Variants in PTPRT observed in about 807,000 individuals in gnomAD.
PTPRT encodes the protein receptor-type tyrosine-protein phosphatase T.
PTPRT carries 56 observed loss-of-function variants against 176.8 expected under a neutral mutation model. The ratio of observed to expected loss-of-function variants is 0.32; its 90% CI spans 0.26 to 0.40. The LOEUF (loss-of-function observed/expected upper bound fraction) is 0.40, where lower values mean the gene tolerates loss of function less well. PTPRT is among the 10% of genes least tolerant of loss of function. PTPRT has a pLI of 1.00. For synonymous variants in PTPRT, 783 were observed against 739.0 expected (o/e 1.06, Z -0.96); for missense variants, 1,540 against 1,908.2 (o/e 0.81, Z 3.60).
intron 2 of PTPRT, among the ~76,000 whole-genome samples, chr20:42,866,268 CAT>C (rs1479415078): frequency 6.6e-6 from 1 of 152,158 alleles, no homozygotes; most frequent in African/African-American, 2.4e-5. Context: ...GCATCCTGGC[CAT>C]TTTTAGCACA....
rs146950185 is a variant in PTPRT at position 42,488,796 on chromosome 20, C to G, written c.1154-16234G>C. The stretch of plus-strand genomic sequence containing the variant: ...CCTGACCAACTGAGAAAAGCCCCAT[C>G]TCTACTAAAAATACAAAATTAGCCG... On this transcript the variant is annotated intron_variant, in intron 7 of 30. Transcript: ENST00000373187. Among the ~76,000 whole-genome samples, 32 of 152,156 alleles carry G rather than the reference C, an allele frequency of 2.1e-4. No individual in the cohort carries two copies. The East Asian group carries it at 6.0e-3, about 28-fold the overall frequency.
chr20:42,357,584 GA>G (rs1337421670), intron 9 of PTPRT, among the ~76,000 whole-genome samples: 3 of 152,152 alleles, frequency 2.0e-5, no homozygotes, highest in Admixed American at 2.0e-4. Flanking sequence ...CATTGTTTTG[GA>G]AGGAAGGCTC....
In PTPRT at chr20:42,885,949, T is replaced by G; in HGVS notation, c.89-17A>C. 2 of 1,593,420 alleles carry G rather than the reference T, an allele frequency of 1.3e-6. No homozygotes were observed. The highest frequency in any genetic ancestry group is 8.6e-7 in the Non-Finnish European group (1 of 1,166,812). On this transcript the variant is annotated splice_polypyrimidine_tract_variant and intron_variant, in intron 1 of 30. Coordinates refer to ENST00000373187, the MANE Select transcript of PTPRT (RefSeq NM_007050.6). ...AACAGCCACCTGTAGACAAAAGAGATATGGGTAAATACATTCCCGTGTCTG... is the reference window on the plus strand; with the variant it reads ...AACAGCCACCTGTAGACAAAAGAGAGATGGGTAAATACATTCCCGTGTCTG...
chr20:42,531,496 G>A (rs1030493360), intron 7 of PTPRT, among the ~76,000 whole-genome samples: 25 of 152,286 alleles, frequency 1.6e-4, no homozygotes, highest in Admixed American at 2.6e-4. Context: ...TAATCAAATC[G>A]TCAACAGCCA....
chr20:43,138,912 T>C (rs529132798), intron 1 of PTPRT, among the ~76,000 whole-genome samples: 52 of 152,236 alleles, frequency 3.4e-4, no homozygotes, highest in Non-Finnish European at 6.6e-4. Flanking sequence ...TTCCTTCCTG[T>C]GTGACCATGG....
At chr20:42,471,228 T>C (rs1314992556) in intron 8 of PTPRT, among the ~76,000 whole-genome samples, 5 of 152,348 alleles carry the variant, frequency 3.3e-5, no homozygotes, top group East Asian at 1.9e-4. Flanking sequence ...ATGTGATACA[T>C]GTTTTATCTT....
At chr20:43,006,480 T>C (rs960636284) in intron 1 of PTPRT, among the ~76,000 whole-genome samples, 8 of 152,154 alleles carry the variant, frequency 5.3e-5, no homozygotes, top group Non-Finnish European at 1.0e-4. Flanking sequence ...CCTGCCTCTG[T>C]AGTGTCTGCT....
At chr20:42,086,439 A>C (rs1365311628) in intron 27 of PTPRT, among the ~76,000 whole-genome samples, 1 of 152,028 alleles carries the variant, frequency 6.6e-6, no homozygotes, top group Non-Finnish European at 1.5e-5. Context: ...GGTTTGCTTA[A>C]CCTGAGTTTC....
chr20:43,007,564 T>C (rs1463796602), intron 1 of PTPRT, among the ~76,000 whole-genome samples: 1 of 152,216 alleles, frequency 6.6e-6, no homozygotes, highest in East Asian at 1.9e-4. Flanking sequence ...TCCAACGGAA[T>C]TATCCAATTT....
intron 2 of PTPRT, among the ~76,000 whole-genome samples, chr20:42,875,937 A>G (rs2078922082): frequency 6.6e-6 from 1 of 152,214 alleles, no homozygotes; most frequent in South Asian, 2.1e-4. Flanking sequence ...ATAAGTTACT[A>G]TATTTCAAGT....
At chr20:42,348,778 G>A (rs1277863106) in intron 11 of PTPRT, among the ~76,000 whole-genome samples, 1 of 152,116 alleles carries the variant, frequency 6.6e-6, no homozygotes, top group Non-Finnish European at 1.5e-5. Flanking sequence ...CAGCATGTAG[G>A]CCTGCTTGAT....
At chr20:42,293,039 G>A (rs2057340488) in intron 12 of PTPRT, among the ~76,000 whole-genome samples, 1 of 152,168 alleles carries the variant, frequency 6.6e-6, no homozygotes, top group Non-Finnish European at 1.5e-5. Flanking sequence ...ACTTCTAACT[G>A]GACAAATGTT....
rs1005285224 is a variant in PTPRT, at chr20:43,067,465, T to C, written c.88+122181A>G. On this transcript the variant is annotated intron_variant, in intron 1 of 30. Coordinates refer to ENST00000373187, the MANE Select transcript of PTPRT (RefSeq NM_007050.6). ...ATTGCTCACTTTAAGATGGTTATTT[T>C]ATATTATGTGAATTTAACCTCAATA... 3.6e-4 allele frequency among the ~76,000 whole-genome samples: 55 copies of C among 152,188 alleles called. 1 individual carries two copies. The highest frequency in any genetic ancestry group is 8.8e-5 in the Non-Finnish European group (6 of 68,030).
intron 7 of PTPRT, among the ~76,000 whole-genome samples, chr20:42,621,917 C>G (rs2053023070): frequency 7.2e-6 from 1 of 139,774 alleles, no homozygotes; most frequent in Non-Finnish European, 1.5e-5. Context: ...TTAGGAAGGG[C>G]AAAGACCCCT....
intron 17 of PTPRT, among the ~76,000 whole-genome samples, chr20:42,149,611 A>G (rs1293220225): frequency 6.6e-6 from 1 of 151,886 alleles, no homozygotes; most frequent in Non-Finnish European, 1.5e-5. Context: ...TTTAATAGAG[A>G]CGGGGTTTCT....
intron 7 of PTPRT, among the ~76,000 whole-genome samples, chr20:42,476,702 A>T (rs1238436362): frequency 6.6e-6 from 1 of 152,162 alleles, no homozygotes; most frequent in Non-Finnish European, 1.5e-5. Context: ...GCATTTTGTA[A>T]ATCTGAGAAC....
At chr20:42,755,962 T>C (rs2076825633) in intron 6 of PTPRT, among the ~76,000 whole-genome samples, 1 of 152,134 alleles carries the variant, frequency 6.6e-6, no homozygotes. Flanking sequence ...GTAAACAGTA[T>C]CTCAAGGTGA....
intron 17 of PTPRT, among the ~76,000 whole-genome samples, chr20:42,151,099 T>C (rs1470621152): frequency 6.6e-6 from 1 of 151,596 alleles, no homozygotes; most frequent in Non-Finnish European, 1.5e-5. Flanking sequence ...ATCATTCTCT[T>C]GCCATCTTCA....
chr20:42,542,800 C>T (rs1568964234), intron 7 of PTPRT, among the ~76,000 whole-genome samples: 1 of 152,102 alleles, frequency 6.6e-6, no homozygotes, highest in Non-Finnish European at 1.5e-5. Context: ...GAAATCATAG[C>T]CATTTTAAAA....
Sources: gnomAD v4.1 joint callset for allele counts (sites outside exome capture counted in the v4.1 genomes callset) on GRCh38, gnomAD v4.1.1 for gene constraint, MANE v1.5 for transcripts, NCBI Gene and HGNC (gene_info 2026-07-23, HGNC 2026-07-21) for gene names.